The following MADD variants were observed in gnomAD, a reference collection of about 807,000 sequenced individuals.
MADD encodes the protein MAP kinase-activating death domain protein.
A neutral mutation model predicts 176.7 loss-of-function variants in MADD; 109 were observed. The ratio of observed to expected loss-of-function variants is 0.62; its 90% confidence interval spans 0.53 to 0.72. MADD has a LOEUF of 0.72. Among genes scored for constraint, MADD ranks in the 30% least tolerant of loss-of-function variants. The pLI is 0.00. For synonymous variants in MADD, 771 were observed against 771.3 expected (o/e 1.00, Z 0.01); for missense variants, 1,914 against 2,045.5 (o/e 0.94, Z 1.24).
At chr11:47,284,979 AGTAGGCGTC>A in exon 13 of MADD, 1 of 1,614,004 alleles carries the variant, frequency 6.2e-7, no homozygotes, top group Non-Finnish European at 8.5e-7. Context: ...ATAAGGCAGC[AGTAGGCGTC>A]TCCAAGCCCC....
intron 19 of MADD, among the ~76,000 whole-genome samples, chr11:47,291,562 C>A (rs1042978133): frequency 2.0e-5 from 3 of 152,158 alleles, no homozygotes; most frequent in African/African-American, 7.2e-5. Context: ...TTGCCATATG[C>A]TCCCATAAAT....
chr11:47,303,989 G>A (rs1285526543), intron 22 of MADD, among the ~76,000 whole-genome samples: 1 of 152,048 alleles, frequency 6.6e-6, no homozygotes, highest in East Asian at 1.9e-4. Flanking sequence ...CCCCAGACTT[G>A]GGAAGTTTTC....
exon 3 of MADD, chr11:47,274,714 C>T: frequency 1.2e-6 from 2 of 1,614,172 alleles, no homozygotes; most frequent in Non-Finnish European, 1.7e-6. Flanking sequence ...CATGAGCCTT[C>T]GGGATGATAC....
intron 27 of MADD, among the ~76,000 whole-genome samples, chr11:47,316,814 GCTCACTGCAAC>G (rs1293413467): frequency 6.6e-6 from 1 of 151,958 alleles, no homozygotes; most frequent in African/African-American, 2.4e-5. Flanking sequence ...TCCAAACTCA[GCTCACTGCAAC>G]CTCTGCCCCT....
At chr11:47,323,766 G>A (rs756869401) in exon 28 of MADD, 1 of 1,614,202 alleles carries the variant, frequency 6.2e-7, no homozygotes, top group South Asian at 1.1e-5. Context: ...ACTGTCCCAA[G>A]ACGAAGGTGT....
exon 4 of MADD, chr11:47,276,006 G>A (rs949103020): frequency 2.9e-5 from 47 of 1,614,010 alleles, no homozygotes; most frequent in African/African-American, 2.3e-4. Context: ...CGATTGCTGC[G>A]CTCCCCAGTA....
intron 22 of MADD, among the ~76,000 whole-genome samples, chr11:47,307,893 C>T (rs1212948707): frequency 6.6e-6 from 1 of 152,230 alleles, no homozygotes; most frequent in Non-Finnish European, 1.5e-5. Flanking sequence ...TGGTCTCAAT[C>T]TCCTGACGTG....
chr11:47,271,498 C>T (rs1055798530), intron 1 of MADD, among the ~76,000 whole-genome samples: 2 of 152,242 alleles, frequency 1.3e-5, no homozygotes, highest in East Asian at 1.9e-4. Flanking sequence ...ACTTGAGTTT[C>T]GTCAGATAGT....
intron 7 of MADD, among the ~76,000 whole-genome samples, chr11:47,280,574 A>G (rs2055574276): frequency 6.6e-6 from 1 of 152,014 alleles, no homozygotes; most frequent in Non-Finnish European, 1.5e-5. Flanking sequence ...TAATTTATTT[A>G]TTTATTTTGA....
chr11:47,306,578 T>C (rs1276492838), intron 22 of MADD, among the ~76,000 whole-genome samples: 16 of 152,040 alleles, frequency 1.1e-4, no homozygotes, highest in Admixed American at 1.0e-3. Context: ...ATTGTCTTGC[T>C]TACTTCCTTG....
intron 22 of MADD, among the ~76,000 whole-genome samples, chr11:47,306,061 C>T (rs2082350603): frequency 6.6e-6 from 1 of 152,160 alleles, no homozygotes; most frequent in Non-Finnish European, 1.5e-5. Flanking sequence ...GTGGCCAAGG[C>T]ACCATTTCCT....
At chr11:47,329,468 C>A in exon 33 of MADD, 1 of 334,494 alleles carries the variant, frequency 3.0e-6, no homozygotes, top group Non-Finnish European at 5.7e-6. Flanking sequence ...TTGTCCTTGT[C>A]CCTGGCGTTA....
intron 23 of MADD, 49 bp downstream of exon 25, chr11:47,308,748 G>T: frequency 2.0e-6 from 3 of 1,483,158 alleles, no homozygotes; most frequent in Non-Finnish European, 1.9e-6. Flanking sequence ...AGCTGACTCA[G>T]CCAGGGGAGA....
At chr11:47,292,759 G>A (rs1423256518) in intron 19 of MADD, among the ~76,000 whole-genome samples, 163 bp downstream of exon 21, 1 of 152,050 alleles carries the variant, frequency 6.6e-6, no homozygotes, top group Non-Finnish European at 1.5e-5. Context: ...GGTGTGTGTA[G>A]GCCGCTTCTT....
At chr11:47,327,523 A>T (rs1003050348) in intron 31 of MADD, 1 of 985,180 alleles carries the variant, frequency 1.0e-6, no homozygotes, top group African/African-American at 1.7e-5. Context: ...CTCCCATCGA[A>T]CCAGCTCCTC....
rs373155638 is a variant in MADD, at chr11:47,324,578, G to T, written c.4542+1G>T. The T allele has an allele frequency of 2.5e-6, 4 of 1,608,468 alleles. No individual in the cohort carries two copies. The highest frequency in any genetic ancestry group is 3.4e-6 in the Non-Finnish European group (4 of 1,175,800). On this transcript the variant is annotated splice_donor_variant, in intron 30 of 32. Coordinates refer to ENST00000402192, the Ensembl canonical transcript of MADD. LOFTEE classifies it high-confidence loss of function. ...CAACCTCAAATTCATGCACAATCAG[G>T]TAGGTGCGAGCGGCAGCACGAGGCT...
chr11:47,329,314 T>C, exon 33 of MADD: 4 of 629,808 alleles, frequency 6.4e-6, no homozygotes, highest in Non-Finnish European at 1.1e-5. Context: ...TCCCTCTGAG[T>C]GTGTCTTGAG....
intron 31 of MADD, chr11:47,327,139 C>G: frequency 9.4e-7 from 1 of 1,064,858 alleles, no homozygotes; most frequent in Non-Finnish European, 1.1e-6. Context: ...TGGCGACCCC[C>G]AAGCTCCACT....
rs956922410 is a variant in MADD at position 47,309,057 on chromosome 11, T to C, written c.3752-224T>C. On this transcript the variant is annotated intron_variant, in intron 23 of 32. Transcript: ENST00000402192. ...CTTTTCTATAAGTAACCACATTTAT[T>C]TGTGTGCTGTGTTCATCCCTCCTCC... The C allele has an allele frequency of 6.2e-7, 1 of 1,613,826 alleles. No individual in the cohort carries two copies.
Sources: allele counts gnomAD v4.1 joint callset (sites outside exome capture counted in the v4.1 genomes callset), GRCh38; gene constraint gnomAD v4.1.1; transcripts MANE v1.5; gene names NCBI Gene and HGNC (gene_info 2026-07-23, HGNC 2026-07-21).